The following ZMYND8 variants were observed in gnomAD, a reference collection of about 807,000 sequenced individuals.
ZMYND8 encodes zinc finger MYND-type containing 8, also known as MYND-type zinc finger-containing chromatin reader ZMYND8.
In ZMYND8, 37 loss-of-function variants were observed where a neutral mutation model predicts 140.8. The ratio of observed to expected loss-of-function variants is 0.26; its 90% CI spans 0.20 to 0.35. ZMYND8 has a LOEUF of 0.35. ZMYND8 is among the 10% of genes least tolerant of loss of function. The probability of loss-of-function intolerance (pLI) is 1.00; values close to 1 mark genes in which losing one functional copy is unlikely to be tolerated. For synonymous variants in ZMYND8, 592 were observed against 597.1 expected (o/e 0.99, Z 0.12); for missense variants, 1,068 against 1,570.0 (o/e 0.68, Z 5.40).
intron 14 of ZMYND8, among the ~76,000 whole-genome samples, chr20:47,240,250 C>A (rs534998475): frequency 1.3e-3 from 190 of 151,660 alleles, no homozygotes; most frequent in African/African-American, 4.0e-3. Flanking sequence ...CGCAGTGGCT[C>A]ACGCCTGTAA....
intron 2 of ZMYND8, among the ~76,000 whole-genome samples, chr20:47,313,213 C>T (rs975269208): frequency 1.5e-5 from 2 of 137,166 alleles, no homozygotes; most frequent in Non-Finnish European, 3.0e-5. Context: ...AAAGGAGAGA[C>T]ACTGTCTCTG....
chr20:47,355,059 C>G (rs987526351), intron 1 of ZMYND8, among the ~76,000 whole-genome samples: 3 of 152,088 alleles, frequency 2.0e-5, no homozygotes, highest in Admixed American at 6.6e-5. Flanking sequence ...ACCACCACCA[C>G]CAGCTTCTAC....
intron 17 of ZMYND8, 102 bp from the exon 18 acceptor site, chr20:47,227,383 T>G: frequency 9.2e-7 from 1 of 1,089,334 alleles, no homozygotes; most frequent in Non-Finnish European, 1.4e-6. Flanking sequence ...ATGGGAATCA[T>G]GCTAACCTTC....
chr20:47,252,470 C>G (rs1339437702), intron 12 of ZMYND8, among the ~76,000 whole-genome samples: 1 of 151,988 alleles, frequency 6.6e-6, no homozygotes, highest in African/African-American at 2.4e-5. Flanking sequence ...GAAAAGCCAG[C>G]CTTTTCAAGA....
chr20:47,238,914 C>T lies in ZMYND8; in HGVS notation c.2509G>A (p.Val837Ile). ...PKETAPAVQR[V>I]VWNSSSKFQT... ...AACTTACTTGATGAGTTCCACACGA[C>T]CCGCTGCACGGCCGGGGCAGTCTCC... is the stretch of plus-strand genomic sequence containing the variant. Residue 837 changes from valine to isoleucine, a missense_variant, in exon 15 of 23, where the codon GTC becomes ATC. Physicochemically the swap from Val to Ile is conservative, Grantham distance 29. Coordinates refer to ENST00000471951, the MANE Select transcript of ZMYND8 (RefSeq NM_001281775.3). 1.2e-6 allele frequency: 2 copies of T among 1,614,162 alleles called. No homozygotes were observed. The highest frequency in any genetic ancestry group is 1.7e-6 in the Non-Finnish European group (2 of 1,180,052).
chr20:47,330,164 A>G (rs1333299746), intron 2 of ZMYND8, among the ~76,000 whole-genome samples: 1 of 152,074 alleles, frequency 6.6e-6, no homozygotes, highest in African/African-American at 2.4e-5. Context: ...AGTGTGTCTC[A>G]GCAAGGTGCA....
chr20:47,291,959 A>G (rs2077292697), intron 5 of ZMYND8, 71 bp from the exon 6 acceptor site: 6 of 1,336,978 alleles, frequency 4.5e-6, no homozygotes, highest in South Asian at 1.4e-5. Context: ...AATGCTAACA[A>G]AAGGCTTGAA....
At chr20:47,326,348 C>T (rs541374882) in intron 2 of ZMYND8, among the ~76,000 whole-genome samples, 17 of 152,064 alleles carry the variant, frequency 1.1e-4, no homozygotes, top group African/African-American at 4.1e-4. Context: ...GTGATCCACC[C>T]GCCTCGGCCT....
At chr20:47,339,750 A>G (rs956784978) in intron 2 of ZMYND8, among the ~76,000 whole-genome samples, 2 of 152,270 alleles carry the variant, frequency 1.3e-5, no homozygotes, top group African/African-American at 4.8e-5. Context: ...TGCTGGGATC[A>G]CAGGCGTGAG....
Position 47,272,411 on chromosome 20 carries a change from A to G in ZMYND8, c.1480+3903T>C, listed in dbSNP as rs535305548. On this transcript the variant is annotated intron_variant, in intron 11 of 22. Coordinates refer to ENST00000471951, the MANE Select transcript of ZMYND8 (RefSeq NM_001281775.3). The stretch of plus-strand genomic sequence containing the variant: ...TTTCTTAAATGGTAACTCACAGTGT[A>G]GCTACCAGACCAAAGGACCATTAGC... Among the ~76,000 whole-genome samples, 20 of 152,338 alleles carry G rather than the reference A, an allele frequency of 1.3e-4. No individual in the cohort carries two copies. In the South Asian group the frequency reaches 2.7e-3, roughly 21 times the overall value.
intron 11 of ZMYND8, among the ~76,000 whole-genome samples, chr20:47,267,498 G>C (rs1378095820): frequency 4.8e-5 from 3 of 62,430 alleles, no homozygotes; most frequent in East Asian, 8.9e-4. Flanking sequence ...GGCCGGGGCG[G>C]GGGGGGGGCA....
intron 2 of ZMYND8, among the ~76,000 whole-genome samples, chr20:47,317,853 CCT>C (rs1165760247): frequency 6.6e-6 from 1 of 152,124 alleles, no homozygotes. Flanking sequence ...GGCAACTTAA[CCT>C]CTCTGTGCCT....
intron 12 of ZMYND8, 118 bp from the exon 13 acceptor site, chr20:47,249,557 C>CT (rs1015480656): frequency 2.2e-6 from 3 of 1,384,366 alleles, no homozygotes; most frequent in Non-Finnish European, 2.9e-6. Flanking sequence ...GGGGGAGATA[C>CT]TTTTTTTGTC....
chr20:47,326,336 A>G (rs1474284485), intron 2 of ZMYND8, among the ~76,000 whole-genome samples: 1 of 151,620 alleles, frequency 6.6e-6, no homozygotes, highest in Admixed American at 6.6e-5. Flanking sequence ...TCCTGACCTC[A>G]GGTGATCCAC....
chr20:47,354,867 T>A (rs2148654378), intron 1 of ZMYND8, among the ~76,000 whole-genome samples: 1 of 152,192 alleles, frequency 6.6e-6, no homozygotes, highest in South Asian at 2.1e-4. Context: ...ATGTAAAAAG[T>A]GAGAAATCTT....
chr20:47,244,913 C>T (rs1421148091), intron 14 of ZMYND8, among the ~76,000 whole-genome samples: 1 of 152,032 alleles, frequency 6.6e-6, no homozygotes, highest in Admixed American at 6.6e-5. Context: ...AAAAATTAGC[C>T]AGGCGTGGTG....
intron 21 of ZMYND8, 41 bp downstream of exon 21, chr20:47,220,217 G>T: frequency 6.6e-7 from 1 of 1,519,732 alleles, no homozygotes; most frequent in Non-Finnish European, 8.9e-7. Context: ...CTGCCCATCT[G>T]AAATGTGAAA....
intron 8 of ZMYND8, among the ~76,000 whole-genome samples, chr20:47,286,464 C>A: frequency 6.6e-6 from 1 of 152,116 alleles, no homozygotes; most frequent in East Asian, 1.9e-4. Flanking sequence ...CAGGTGTGAG[C>A]CACTGCACCT....
At chr20:47,288,041 G>A (rs892634673) in intron 7 of ZMYND8, among the ~76,000 whole-genome samples, 2 of 152,266 alleles carry the variant, frequency 1.3e-5, no homozygotes, top group Middle Eastern at 3.4e-3. Context: ...CGACAAGATG[G>A]TCCAAAGTCA....
Sources: allele counts gnomAD v4.1 joint callset (sites outside exome capture counted in the v4.1 genomes callset), GRCh38; gene constraint gnomAD v4.1.1; transcripts MANE v1.5; gene names NCBI Gene and HGNC (gene_info 2026-07-23, HGNC 2026-07-21).